Variants in DDX6 observed in about 807,000 individuals in gnomAD.
DDX6 encodes DEAD-box helicase 6.
Under a neutral mutation model 60.6 loss-of-function variants are expected in DDX6, and 7 were observed. The observed-to-expected ratio is 0.12, with a 90% CI of 0.07 to 0.22. The LOEUF (loss-of-function observed/expected upper bound fraction) is 0.22, where lower values mean the gene tolerates loss of function less well. Among genes scored for constraint, DDX6 ranks in the 10% least tolerant of loss-of-function variants. The pLI is 1.00. For missense variants in DDX6, 270 were observed against 589.9 expected (o/e 0.46, Z 5.62); for synonymous variants, 207 against 201.0 (o/e 1.03, Z -0.25).
intron 7 of DDX6, among the ~76,000 whole-genome samples, 152 bp from the exon 8 acceptor site, chr11:118,760,196 A>G (rs1861116488): frequency 6.6e-6 from 1 of 152,214 alleles, no homozygotes; most frequent in Admixed American, 6.5e-5. Flanking sequence ...CACTGCAGAG[A>G]GTCAAATATG....
intron 4 of DDX6, among the ~76,000 whole-genome samples, chr11:118,770,741 T>A (rs1486314626): frequency 4.0e-5 from 6 of 151,142 alleles, no homozygotes; most frequent in Non-Finnish European, 7.4e-5. Context: ...AATACAAAAA[T>A]GGTCATGGTG....
At chr11:118,781,310 A>G in intron 2 of DDX6, 126 bp from the exon 3 acceptor site, 2 of 601,080 alleles carry the variant, frequency 3.3e-6, no homozygotes, top group Non-Finnish European at 2.9e-6. Context: ...TAATATATCT[A>G]ACAAGATAAT....
intron 10 of DDX6, among the ~76,000 whole-genome samples, chr11:118,756,748 T>C (rs1369556876): frequency 2.0e-5 from 3 of 152,204 alleles, no homozygotes; most frequent in African/African-American, 7.2e-5. Flanking sequence ...CAATACACTA[T>C]CCAGTAGCAA....
intron 13 of DDX6, among the ~76,000 whole-genome samples, chr11:118,752,780 G>A (rs1320456281): frequency 6.6e-6 from 1 of 151,978 alleles, no homozygotes; most frequent in African/African-American, 2.4e-5. Context: ...TCTAACTAGA[G>A]CCCAATAGTC....
At chr11:118,771,591 G>GGAAAT (rs1861536865) in intron 4 of DDX6, among the ~76,000 whole-genome samples, 1 of 152,190 alleles carries the variant, frequency 6.6e-6, no homozygotes, top group African/African-American at 2.4e-5. Flanking sequence ...AAATACAAGA[G>GGAAAT]GAAATTATGA....
rs535503328 is a variant in DDX6, at chr11:118,750,613, T to A, written c.*1492A>T. ...TTACCAAAGCTGGTACTGGCTAATA[T>A]TCTGAAATGCAAATCTGTGCTTTAT... On this transcript the variant is annotated 3_prime_UTR_variant, in exon 14 of 14. Transcript: ENST00000534980. 6.6e-6 allele frequency: 1 copy of A among 152,274 alleles called. No individual in the cohort carries two copies. Among genetic ancestry groups the A allele is most frequent in the East Asian group, 1.9e-4 (1 of 5,188 alleles). The allele number at this position is 152,274 out of a possible 1,614,324, so 9.4% of individuals were successfully genotyped here.
At chr11:118,759,837 C>T in intron 8 of DDX6, 85 bp downstream of exon 8, 1 of 1,396,332 alleles carries the variant, frequency 7.2e-7, no homozygotes, top group Admixed American at 2.4e-5. Context: ...AAAGTATATT[C>T]ACAGATATGA....
At position 118,749,733 on chromosome 11, in the gene DDX6, AAG is replaced by A. The variant is rs1295430084; in HGVS notation, c.*2370_*2371del. On this transcript the variant is annotated 3_prime_UTR_variant, in exon 14 of 14. Coordinates refer to ENST00000534980, the MANE Select transcript of DDX6 (RefSeq NM_004397.6). ...CTTATCTCGCAAGAGGTGGGGGAGA[AAG>A]AGAGCTGCATCGGTACAAGGGCACA... is the stretch of plus-strand genomic sequence containing the variant. The A allele has an allele frequency of 7.2e-5, 11 of 152,658 alleles. No homozygotes were observed. The highest frequency in any genetic ancestry group is 2.9e-5 in the Non-Finnish European group (2 of 68,034). 9.5% of individuals were successfully genotyped at this position (152,658 alleles called of 1,614,324 possible).
intron 2 of DDX6, among the ~76,000 whole-genome samples, chr11:118,785,451 C>T (rs953706890): frequency 4.6e-5 from 7 of 151,798 alleles, no homozygotes; most frequent in Non-Finnish European, 8.8e-5. Flanking sequence ...GTGATCCTCC[C>T]ACATTGGCCT....
intron 5 of DDX6, among the ~76,000 whole-genome samples, chr11:118,767,452 G>A (rs1167763226): frequency 2.6e-5 from 4 of 152,056 alleles, no homozygotes; most frequent in African/African-American, 7.2e-5. Context: ...ATATAACTAT[G>A]AAAATTTTTT....
rs35854068 is a variant in DDX6 at position 118,782,645 on chromosome 11, C to CTT, written c.201-1463_201-1462dup. On this transcript the variant is annotated intron_variant, in intron 2 of 13. Coordinates refer to ENST00000534980, the MANE Select transcript of DDX6 (RefSeq NM_004397.6). ...TCCAAGACTACTACTGTACTAAAGCCTTTTTTTTTTTTTTCTGAGATGGAG... is the reference window on the plus strand; with the variant it reads ...TCCAAGACTACTACTGTACTAAAGCCTTTTTTTTTTTTTTTTCTGAGATGGAG... Among the ~76,000 whole-genome samples the CTT allele has an allele frequency of 8.1e-3, 1,162 of 143,694 alleles. 16 individuals are homozygous for CTT. The highest frequency in any genetic ancestry group is 0.027 in the African/African-American group (1,059 of 38,794). 94.3% of individuals were successfully genotyped at this position (143,694 alleles called of 152,430 possible). A position where few individuals can be genotyped will look rare whatever the true frequency, so the allele number is the denominator to read the frequency against.
At chr11:118,759,215 A>AT (rs557245402) in intron 8 of DDX6, 29 of 213,076 alleles carry the variant, frequency 1.4e-4, no homozygotes, top group Admixed American at 4.0e-4. Context: ...ATGCACTGCC[A>AT]TAACAGACTA....
intron 2 of DDX6, among the ~76,000 whole-genome samples, chr11:118,783,273 A>G (rs919756490): frequency 2.0e-5 from 3 of 152,170 alleles, no homozygotes; most frequent in African/African-American, 7.2e-5. Flanking sequence ...TCCCCAAATC[A>G]GAATTTATTT....
chr11:118,774,567 A>G lies in DDX6; in HGVS notation c.369+5065T>C, dbSNP rs552089529. 8.7e-5 allele frequency among the ~76,000 whole-genome samples: 13 copies of G among 149,200 alleles called. No individual in the cohort carries two copies. In the East Asian group the frequency reaches 2.2e-3, roughly 25 times the overall value. ...CACTTACAGCCTCAACCTCCTGAAC[A>G]TCTAAGACTACATGTCCCCCATGCC... is the stretch of plus-strand genomic sequence containing the variant. On this transcript the variant is annotated intron_variant, in intron 4 of 13. Coordinates refer to ENST00000534980, the MANE Select transcript of DDX6 (RefSeq NM_004397.6).
At chr11:118,790,056 CA>C (rs1862215156) in intron 1 of DDX6, 1 of 152,220 alleles carries the variant, frequency 6.6e-6, no homozygotes, top group Non-Finnish European at 1.5e-5. Context: ...ACAGTATCGT[CA>C]TCGCCAACAA....
intron 4 of DDX6, 106 bp downstream of exon 4, chr11:118,779,526 G>T (rs925749602): frequency 2.9e-6 from 2 of 682,520 alleles, no homozygotes; most frequent in South Asian, 2.1e-5. Context: ...GTGTGTATAC[G>T]TGAGAGAGAA....
chr11:118,779,513 AAAGT>A (rs1337498755), intron 4 of DDX6, 115 bp downstream of exon 4: 4 of 601,706 alleles, frequency 6.6e-6, no homozygotes, highest in Non-Finnish European at 8.5e-6. Context: ...AATTTCAGAA[AAAGT>A]GTGTATACGT....
In DDX6 at chr11:118,758,709, G is replaced by C. The variant is rs1334613285; in HGVS notation, c.993+65C>G. The C allele has an allele frequency of 1.6e-5, 26 of 1,577,086 alleles. No individual in the cohort carries two copies. The Admixed American group carries it at 4.4e-4, about 27-fold the overall frequency. On this transcript the variant is annotated intron_variant, in intron 9 of 13. Coordinates refer to ENST00000534980, the MANE Select transcript of DDX6 (RefSeq NM_004397.6). ...ATACAGTGAAGACGGTGGGAAAATT[G>C]ATGAAATCATCTGTTTTACTGGGAC...
intron 4 of DDX6, among the ~76,000 whole-genome samples, chr11:118,774,916 G>A (rs1555163329): frequency 2.0e-5 from 3 of 152,274 alleles, no homozygotes; most frequent in Non-Finnish European, 2.9e-5. Flanking sequence ...AAAATAAAAC[G>A]AGAAGGTAGA....
Sources: gnomAD v4.1 joint callset for allele counts (sites outside exome capture counted in the v4.1 genomes callset) on GRCh38, gnomAD v4.1.1 for gene constraint, MANE v1.5 for transcripts, NCBI Gene and HGNC (gene_info 2026-07-23, HGNC 2026-07-21) for gene names.